MGRN1: variants seen among roughly 807,000 people sequenced by gnomAD.
MGRN1 encodes mahogunin ring finger 1, also known as E3 ubiquitin-protein ligase MGRN1.
In MGRN1, 29 loss-of-function variants were observed where a neutral mutation model predicts 69.2. The ratio of observed to expected loss-of-function variants is 0.42; its 90% confidence interval spans 0.31 to 0.57. The LOEUF is 0.57. MGRN1 is among the 20% of genes least tolerant of loss of function. The pLI is 0.15. For synonymous variants in MGRN1, 470 were observed against 344.2 expected (o/e 1.37, Z -4.04); for missense variants, 998 against 796.2 (o/e 1.25, Z -3.05).
intron 16 of MGRN1, chr16:4,688,224 C>G (rs1400766964): frequency 1.8e-5 from 18 of 985,610 alleles, no homozygotes; most frequent in African/African-American, 5.2e-5. Context: ...CACCATTGCC[C>G]AAGCCCCAGG....
In MGRN1 at chr16:4,674,969, T is replaced by TTTTA. The variant is rs1049618632; in HGVS notation, c.955+1328_955+1331dup. ...CACCGCTTTTTAATTAATTACTTAC[T>TTTTA]TTTATTTATTTATTTATTTTGAGAC... On this transcript the variant is annotated intron_variant, in intron 10 of 16. Transcript: ENST00000262370. Among the ~76,000 whole-genome samples, 13 of 151,650 alleles carry TTTTA rather than the reference T, an allele frequency of 8.6e-5. No homozygotes were observed. The South Asian group carries it at 1.5e-3, about 17-fold the overall frequency.
intron 1 of MGRN1, among the ~76,000 whole-genome samples, chr16:4,625,603 T>G (rs1897635908): frequency 6.6e-6 from 1 of 152,088 alleles, no homozygotes; most frequent in South Asian, 2.1e-4. Context: ...GGGTCCTTGC[T>G]GAGAGGACCC....
intron 16 of MGRN1, 175 bp from the exon 17 acceptor site, chr16:4,688,621 G>A (rs887351780): frequency 7.2e-6 from 10 of 1,397,048 alleles, no homozygotes; most frequent in Non-Finnish European, 8.4e-6. Context: ...GGCACAGTTA[G>A]GGAGTCCCCG....
At chr16:4,677,703 G>A in intron 11 of MGRN1, 131 bp downstream of exon 11, 2 of 851,828 alleles carry the variant, frequency 2.3e-6, no homozygotes, top group South Asian at 1.7e-5. Context: ...TGGCCCCCAT[G>A]GATGGCTGTG....
rs557316424 is a variant in MGRN1 at position 4,658,220 on chromosome 16, A to G, written c.561+857A>G. 1.2e-3 allele frequency among the ~76,000 whole-genome samples: 180 copies of G among 151,672 alleles called. 1 individual carries two copies. Among genetic ancestry groups the G allele is most frequent in the African/African-American group, 4.3e-3 (177 of 41,372 alleles). On this transcript the variant is annotated intron_variant, in intron 5 of 16. Coordinates refer to ENST00000262370, the MANE Select transcript of MGRN1 (RefSeq NM_015246.4). ...CTGCAGCTTGCAAAGACCCTGGTCC[A>G]GGGGGTTCCTGTGTAACAGTACAGA...
intron 1 of MGRN1, among the ~76,000 whole-genome samples, chr16:4,641,175 TGCAC>T (rs1469668149): frequency 6.6e-6 from 1 of 152,136 alleles, no homozygotes; most frequent in East Asian, 1.9e-4. Context: ...ACACAGCTCA[TGCAC>T]GCACACACCA....
chr16:4,649,282 G>A (rs1212283220), intron 1 of MGRN1: 2 of 152,294 alleles, frequency 1.3e-5, no homozygotes, highest in African/African-American at 4.8e-5. Context: ...CTGGGGTCAC[G>A]AAATGTGTAA....
intron 2 of MGRN1, 38 bp from the exon 3 acceptor site, chr16:4,651,925 T>C: frequency 1.3e-6 from 2 of 1,594,690 alleles, no homozygotes; most frequent in Non-Finnish European, 1.7e-6. Context: ...TGGCTGCTCC[T>C]GAGGGAGTCA....
intron 5 of MGRN1, among the ~76,000 whole-genome samples, chr16:4,658,262 G>A (rs369980157): frequency 1.8e-4 from 27 of 151,738 alleles, no homozygotes; most frequent in African/African-American, 6.0e-4. Context: ...GTGGCCGGGC[G>A]CGGTGGCTCA....
In MGRN1 at chr16:4,650,428, G is replaced by A. The variant is rs2078379932; in HGVS notation, c.152G>A (p.Gly51Asp). The change falls in exon 2 of 17, where the codon GGT (glycine) becomes GAT (aspartate). Residue 51 changes from glycine (G) to aspartate (D), a missense_variant. By Grantham distance (94) the Gly-to-Asp change is moderately conservative. Coordinates refer to ENST00000262370, the MANE Select transcript of MGRN1 (RefSeq NM_015246.4). ...AAATTCGACACCCCCCACCCTGAAG[G>A]TTACCTCTTTGGAGAGAACATGGAT... ...GEKFDTPHPEGYLFGENMDLN... is the reference protein window; with the variant it reads ...GEKFDTPHPEDYLFGENMDLN... 6.2e-7 allele frequency: 1 copy of A among 1,614,116 alleles called. No individual in the cohort carries two copies. The highest frequency in any genetic ancestry group is 8.5e-7 in the Non-Finnish European group (1 of 1,179,986).
rs377648507 is a variant in MGRN1 at position 4,688,891 on chromosome 16, G to A, written c.1714G>A (p.Glu572Lys). 1.7e-5 allele frequency: 26 copies of A among 1,548,952 alleles called. No individual in the cohort carries two copies. The Middle Eastern group carries it at 5.2e-4, about 31-fold the overall frequency. Residue 572 changes from glutamate (E) to lysine (K), a missense_variant, in exon 17 of 17, where the codon GAG becomes AAG. Coordinates refer to ENST00000262370, the MANE Select transcript of MGRN1 (RefSeq NM_015246.4). ...CCCCAGCCCCGATCCCAGCGCCGCC[G>A]AGCTGACCCCACTCTGAGAGCCTGG... ...GGPSPDPSAA[E>K]LTPL
intron 1 of MGRN1, among the ~76,000 whole-genome samples, chr16:4,642,367 C>T (rs1305986355): frequency 2.6e-5 from 4 of 151,752 alleles, no homozygotes; most frequent in Admixed American, 6.6e-5. Context: ...GTGTGATCTC[C>T]GCTCACGGTA....
chr16:4,625,638 A>G (rs1328842089), intron 1 of MGRN1, among the ~76,000 whole-genome samples: 2 of 152,130 alleles, frequency 1.3e-5, no homozygotes, highest in Non-Finnish European at 1.5e-5. Flanking sequence ...CCTCTGTGTT[A>G]TGGCTGAGGG....
At position 4,644,783 on chromosome 16, in the gene MGRN1, T is replaced by C. The variant is rs191396160; in HGVS notation, c.89-5582T>C. Reference sequence around the variant, plus strand: ...CTTACGTCCTTCCAGTTAAGTTTTTTTGAGGTAAAATTCACTTACCATGGG... The same window carrying C: ...CTTACGTCCTTCCAGTTAAGTTTTTCTGAGGTAAAATTCACTTACCATGGG... On this transcript the variant is annotated intron_variant, in intron 1 of 16. Coordinates refer to ENST00000262370, the MANE Select transcript of MGRN1 (RefSeq NM_015246.4). Among the ~76,000 whole-genome samples the C allele has an allele frequency of 3.9e-5, 6 of 152,330 alleles. No individual in the cohort carries two copies. In the East Asian group the frequency reaches 1.2e-3, roughly 29 times the overall value.
At chr16:4,687,022 C>CTCCT (rs2079338384) in intron 16 of MGRN1, 2 of 985,618 alleles carry the variant, frequency 2.0e-6, no homozygotes, top group South Asian at 4.7e-5. Context: ...CCCCCGCTCC[C>CTCCT]TCCTTCCCTT....
At chr16:4,667,690 A>G (rs2078835735) in intron 7 of MGRN1, among the ~76,000 whole-genome samples, 1 of 152,168 alleles carries the variant, frequency 6.6e-6, no homozygotes, top group African/African-American at 2.4e-5. Context: ...GAGGTCTCCG[A>G]TCTCAAGCCG....
At chr16:4,648,696 C>T (rs56082262) in intron 1 of MGRN1, among the ~76,000 whole-genome samples, 39 of 101,012 alleles carry the variant, frequency 3.9e-4, no homozygotes, top group African/African-American at 1.7e-3. Flanking sequence ...GGTCCTCCTC[C>T]CGGGGGCTCT....
intron 1 of MGRN1, among the ~76,000 whole-genome samples, chr16:4,628,692 G>A (rs753568387): frequency 2.4e-4 from 36 of 152,020 alleles, no homozygotes; most frequent in African/African-American, 5.1e-4. Flanking sequence ...TTACAGGTGC[G>A]CACCACCACG....
At chr16:4,684,812 C>G (rs960437225) in intron 16 of MGRN1, among the ~76,000 whole-genome samples, 2 of 152,264 alleles carry the variant, frequency 1.3e-5, no homozygotes, top group African/African-American at 2.4e-5. Context: ...TGCTTTCAGA[C>G]ATGACCCCAG....
Sources: allele counts gnomAD v4.1 joint callset (sites outside exome capture counted in the v4.1 genomes callset), GRCh38; gene constraint gnomAD v4.1.1; transcripts MANE v1.5; gene names NCBI Gene and HGNC (gene_info 2026-07-23, HGNC 2026-07-21).